RANBP9: variants seen among roughly 807,000 people sequenced by gnomAD.
RANBP9 encodes RAN binding protein 9.
A neutral mutation model predicts 84.3 loss-of-function variants in RANBP9; 15 were observed. That is an observed-to-expected ratio of 0.18 (90% CI 0.12 to 0.27). The LOEUF (loss-of-function observed/expected upper bound fraction) is 0.27. Ranked by LOEUF, RANBP9 falls within the 10% of genes least tolerant of loss-of-function variation. RANBP9 has a pLI of 1.00. For missense variants in RANBP9, 809 were observed against 912.8 expected, an observed-to-expected ratio of 0.89 and a Z score of 1.46; for synonymous variants, 392 against 349.6, an observed-to-expected ratio of 1.12 and a Z score of -1.35.
chr6:13,640,372 T>C lies in RANBP9; in HGVS notation c.1335-619A>G, dbSNP rs555525909. Reference sequence around the variant, plus strand: ...ATTATTAAAAAAAAATAGTTAAACATAGAATTACCATATGATCCAGAAAGT... The same window carrying C: ...ATTATTAAAAAAAAATAGTTAAACACAGAATTACCATATGATCCAGAAAGT... On this transcript the variant is annotated intron_variant, in intron 8 of 13. Coordinates refer to ENST00000011619, the MANE Select transcript of RANBP9 (RefSeq NM_005493.3). Among the ~76,000 whole-genome samples, 14 of 152,148 alleles carry C rather than the reference T, an allele frequency of 9.2e-5. No homozygotes were observed. In the East Asian group the frequency reaches 1.7e-3, roughly 19 times the overall value.
chr6:13,709,635 G>A (rs548847262), intron 1 of RANBP9, among the ~76,000 whole-genome samples: 2 of 152,178 alleles, frequency 1.3e-5, no homozygotes, highest in African/African-American at 2.4e-5. Flanking sequence ...GATTAAGGAG[G>A]ATAACACTTG....
chr6:13,665,607 C>T (rs964962934), intron 2 of RANBP9, among the ~76,000 whole-genome samples: 6 of 152,128 alleles, frequency 3.9e-5, no homozygotes, highest in African/African-American at 1.4e-4. Flanking sequence ...CACCTGCCTA[C>T]CCTACGACCC....
chr6:13,677,775 A>G (rs768445808), intron 2 of RANBP9, among the ~76,000 whole-genome samples: 4 of 152,168 alleles, frequency 2.6e-5, no homozygotes, highest in Non-Finnish European at 5.9e-5. Context: ...ATATATACCA[A>G]CTGGTGATTC....
chr6:13,703,073 C>T (rs913860504), intron 1 of RANBP9, among the ~76,000 whole-genome samples: 24 of 152,292 alleles, frequency 1.6e-4, no homozygotes, highest in Middle Eastern at 3.4e-3. Flanking sequence ...AATGCAGTGG[C>T]ATGATCACCG....
intron 12 of RANBP9, 102 bp from the exon 13 acceptor site, chr6:13,625,866 CTAA>C: frequency 7.7e-6 from 6 of 783,956 alleles, no homozygotes; most frequent in South Asian, 3.0e-5. Flanking sequence ...CAGGCACAGA[CTAA>C]TAATGTAAAC....
At chr6:13,685,235 CTAAA>C (rs753797795) in intron 2 of RANBP9, among the ~76,000 whole-genome samples, 3 of 152,086 alleles carry the variant, frequency 2.0e-5, no homozygotes, top group Non-Finnish European at 4.4e-5. Context: ...TTAAAACAAT[CTAAA>C]TAACTGGCAA....
chr6:13,661,858 C>G (rs1343199307), intron 2 of RANBP9, among the ~76,000 whole-genome samples: 1 of 152,050 alleles, frequency 6.6e-6, no homozygotes, highest in Non-Finnish European at 1.5e-5. Context: ...CAAGAAATGG[C>G]AATTAGACTG....
At chr6:13,688,362 T>G (rs1766240604) in intron 2 of RANBP9, among the ~76,000 whole-genome samples, 2 of 152,198 alleles carry the variant, frequency 1.3e-5, no homozygotes, top group Admixed American at 1.3e-4. Flanking sequence ...TGTATTCCTC[T>G]TCTGTAATTT....
At chr6:13,664,282 C>A (rs543090463) in intron 2 of RANBP9, among the ~76,000 whole-genome samples, 23 of 152,006 alleles carry the variant, frequency 1.5e-4, no homozygotes, top group Non-Finnish European at 7.4e-5. Context: ...CATAAAACAT[C>A]GAACAAAAGC....
At position 13,662,665 on chromosome 6, in the gene RANBP9, A is replaced by G. The variant is rs1014408985; in HGVS notation, c.684-3833T>C. Among the ~76,000 whole-genome samples, 15 of 152,320 alleles carry G rather than the reference A, an allele frequency of 9.8e-5. No individual in the cohort carries two copies. In the East Asian group the frequency reaches 2.7e-3, roughly 27 times the overall value. Reference sequence around the variant, plus strand: ...ATGAAGCAGAGAGTTCTCACCAGAAACTGAATCTGCTGGAACCTTTTAAAC... The same window carrying G: ...ATGAAGCAGAGAGTTCTCACCAGAAGCTGAATCTGCTGGAACCTTTTAAAC... On this transcript the variant is annotated intron_variant, in intron 2 of 13. Transcript: ENST00000011619.
At chr6:13,697,195 A>G (rs1757853990) in intron 1 of RANBP9, among the ~76,000 whole-genome samples, 1 of 152,336 alleles carries the variant, frequency 6.6e-6, no homozygotes, top group Admixed American at 6.5e-5. Flanking sequence ...AGAGTACACT[A>G]TATTTTTAAG....
At chr6:13,629,921 C>CGTGTGTGT (rs3063992) in intron 12 of RANBP9, among the ~76,000 whole-genome samples, 87 of 128,424 alleles carry the variant, frequency 6.8e-4, no homozygotes, top group African/African-American at 1.2e-3. Context: ...CTCTCTCTCT[C>CGTGTGTGT]GTGTGTGTGT....
intron 2 of RANBP9, among the ~76,000 whole-genome samples, chr6:13,665,305 C>T (rs966431518): frequency 4.6e-5 from 7 of 151,872 alleles, no homozygotes; most frequent in Non-Finnish European, 8.8e-5. Context: ...ATAGATGATC[C>T]AATTTTCAAA....
chr6:13,696,996 T>G, intron 1 of RANBP9, 100 bp from the exon 2 acceptor site: 2 of 942,672 alleles, frequency 2.1e-6, no homozygotes, highest in South Asian at 3.3e-5. Flanking sequence ...TGGAATGATG[T>G]ATTATTTCTG....
At chr6:13,677,838 C>T (rs1425402094) in intron 2 of RANBP9, among the ~76,000 whole-genome samples, 2 of 152,158 alleles carry the variant, frequency 1.3e-5, no homozygotes, top group East Asian at 1.9e-4. Flanking sequence ...CAACTGCAGG[C>T]CAGGTGTGGT....
At chr6:13,686,813 T>C (rs1387722156) in intron 2 of RANBP9, among the ~76,000 whole-genome samples, 1 of 152,178 alleles carries the variant, frequency 6.6e-6, no homozygotes, top group African/African-American at 2.4e-5. Context: ...CTCCATTCCT[T>C]ACCTCTCTTT....
intron 11 of RANBP9, among the ~76,000 whole-genome samples, chr6:13,633,182 G>C (rs1210722146): frequency 6.6e-6 from 1 of 152,014 alleles, no homozygotes; most frequent in Non-Finnish European, 1.5e-5. Flanking sequence ...TTACAGGCAC[G>C]CGCCATCATG....
intron 2 of RANBP9, among the ~76,000 whole-genome samples, chr6:13,682,435 A>T (rs1438255985): frequency 6.6e-6 from 1 of 150,608 alleles, no homozygotes; most frequent in Non-Finnish European, 1.5e-5. Context: ...AACATACAGT[A>T]TTCAATGTTC....
intron 2 of RANBP9, among the ~76,000 whole-genome samples, chr6:13,666,471 A>C (rs1203800442): frequency 1.3e-5 from 2 of 151,812 alleles, no homozygotes; most frequent in East Asian, 1.9e-4. Context: ...ACACCAATTA[A>C]ATTATTAAGG....
Sources: allele counts gnomAD v4.1 joint callset (sites outside exome capture counted in the v4.1 genomes callset), GRCh38; gene constraint gnomAD v4.1.1; transcripts MANE v1.5; gene names NCBI Gene and HGNC (gene_info 2026-07-23, HGNC 2026-07-21).